Variants in CSMD1 observed in about 807,000 individuals in gnomAD.
CSMD1 encodes CUB and Sushi multiple domains 1, also known as CUB and sushi domain-containing protein 1.
In CSMD1, 213 loss-of-function variants were observed where a neutral mutation model predicts 417.5. The ratio of observed to expected loss-of-function variants is 0.51; its 90% CI spans 0.46 to 0.57. The LOEUF (loss-of-function observed/expected upper bound fraction) is 0.57, where lower values mean the gene tolerates loss of function less well. CSMD1 is among the 20% of genes least tolerant of loss of function. CSMD1 has a pLI of 0.00. For missense variants in CSMD1, 6,923 were observed against 4,529.7 expected, an observed-to-expected ratio of 1.53 and a Z score of -15.17; for synonymous variants, 2,862 against 1,736.8, an observed-to-expected ratio of 1.65 and a Z score of -16.11.
intron 3 of CSMD1, among the ~76,000 whole-genome samples, chr8:4,321,200 G>C (rs1799254842): frequency 6.6e-6 from 1 of 152,074 alleles, no homozygotes; most frequent in Admixed American, 6.6e-5. Flanking sequence ...TTCAACATGT[G>C]TGTCCAGTGC....
intron 1 of CSMD1, among the ~76,000 whole-genome samples, chr8:4,913,865 T>C (rs1194453948): frequency 6.6e-6 from 1 of 152,208 alleles, no homozygotes; most frequent in Non-Finnish European, 1.5e-5. Flanking sequence ...TTAAGGGATA[T>C]TATTGTTTGG....
intron 2 of CSMD1, among the ~76,000 whole-genome samples, chr8:4,435,945 T>G (rs1257152180): frequency 6.6e-6 from 1 of 152,136 alleles, no homozygotes; most frequent in Non-Finnish European, 1.5e-5. Context: ...AAATCTACAT[T>G]CTTAGCCTTT....
At chr8:3,679,614 C>G (rs1253911721) in intron 7 of CSMD1, among the ~76,000 whole-genome samples, 6 of 152,010 alleles carry the variant, frequency 3.9e-5, no homozygotes, top group Non-Finnish European at 8.8e-5. Context: ...CTGTCAACAT[C>G]AGACAGATCA....
intron 27 of CSMD1, among the ~76,000 whole-genome samples, chr8:3,228,390 A>T (rs1798638848): frequency 6.6e-6 from 1 of 152,220 alleles, no homozygotes; most frequent in South Asian, 2.1e-4. Flanking sequence ...ATAAAAATAT[A>T]ATGTTAACTT....
At chr8:4,113,004 G>A (rs757935727) in intron 3 of CSMD1, among the ~76,000 whole-genome samples, 1 of 152,180 alleles carries the variant, frequency 6.6e-6, no homozygotes, top group South Asian at 2.1e-4. Context: ...TATCTGTTAT[G>A]GTAATCAGTG....
At chr8:2,976,585 G>A (rs1297331668) in intron 55 of CSMD1, among the ~76,000 whole-genome samples, 1 of 152,172 alleles carries the variant, frequency 6.6e-6, no homozygotes, top group Non-Finnish European at 1.5e-5. Flanking sequence ...CTGGCCTCAA[G>A]AGATCCACCT....
intron 27 of CSMD1, among the ~76,000 whole-genome samples, chr8:3,225,391 C>T (rs1218258632): frequency 6.9e-6 from 1 of 145,670 alleles, no homozygotes. Context: ...CCCAGTATGA[C>T]TTTTTTTTTT....
At chr8:4,734,385 T>C (rs1172045848) in intron 1 of CSMD1, among the ~76,000 whole-genome samples, 1 of 152,134 alleles carries the variant, frequency 6.6e-6, no homozygotes, top group African/African-American at 2.4e-5. Context: ...TCTATGCATG[T>C]TTGTGCAATT....
chr8:4,955,050 G>C (rs1361491348), intron 1 of CSMD1, among the ~76,000 whole-genome samples: 5 of 152,224 alleles, frequency 3.3e-5, no homozygotes, highest in East Asian at 3.9e-4. Context: ...ATCCATTGCT[G>C]TATGTCAGTG....
At chr8:4,635,438 T>A (rs1305292702) in intron 2 of CSMD1, among the ~76,000 whole-genome samples, 2 of 152,138 alleles carry the variant, frequency 1.3e-5, no homozygotes, top group East Asian at 3.8e-4. Flanking sequence ...TAATACATTA[T>A]TGAAAGACAT....
chr8:3,522,806 TA>T (rs1797562324), intron 10 of CSMD1, among the ~76,000 whole-genome samples: 1 of 151,744 alleles, frequency 6.6e-6, no homozygotes, highest in African/African-American at 2.4e-5. Flanking sequence ...GGTTACATAT[TA>T]AATTACGTAT....
chr8:4,083,603 TTTAA>T (rs1284382538), intron 3 of CSMD1, among the ~76,000 whole-genome samples: 1 of 152,178 alleles, frequency 6.6e-6, no homozygotes, highest in African/African-American at 2.4e-5. Context: ...GGATTCCCTA[TTTAA>T]TTAATGGTGC....
At chr8:4,157,539 T>C (rs529103758) in intron 3 of CSMD1, among the ~76,000 whole-genome samples, 25 of 152,254 alleles carry the variant, frequency 1.6e-4, no homozygotes, top group Non-Finnish European at 3.1e-4. Flanking sequence ...TAGCTACCTC[T>C]AGTCAATGAC....
intron 33 of CSMD1, among the ~76,000 whole-genome samples, chr8:3,196,354 G>T (rs9785101): frequency 0.66 from 99,676 of 151,892 alleles, 34,057 homozygotes; most frequent in Non-Finnish European, 0.76. Context: ...ATAGCAAGTA[G>T]AAGCAGCTGA....
At chr8:3,528,945 T>A (rs1052779284) in intron 10 of CSMD1, among the ~76,000 whole-genome samples, 1 of 152,238 alleles carries the variant, frequency 6.6e-6, no homozygotes, top group African/African-American at 2.4e-5. Flanking sequence ...CTTAGATAAT[T>A]ACATGCCAGT....
intron 8 of CSMD1, among the ~76,000 whole-genome samples, chr8:3,591,511 G>C (rs1225782728): frequency 1.3e-5 from 2 of 152,122 alleles, no homozygotes; most frequent in Non-Finnish European, 2.9e-5. Context: ...AATTTGAGGT[G>C]ACTCGAAGAT....
chr8:4,068,398 C>T (rs1799370583), intron 3 of CSMD1, among the ~76,000 whole-genome samples: 1 of 152,116 alleles, frequency 6.6e-6, no homozygotes, highest in Non-Finnish European at 1.5e-5. Context: ...TTTTATTTCA[C>T]ACTGGGGAGA....
At chr8:2,985,266 T>A (rs560622414) in intron 54 of CSMD1, among the ~76,000 whole-genome samples, 1 of 152,368 alleles carries the variant, frequency 6.6e-6, no homozygotes, top group East Asian at 1.9e-4. Context: ...TATCACTAGC[T>A]TCTGCCTAGT....
At chr8:4,676,994 A>G (rs1467776881) in intron 1 of CSMD1, among the ~76,000 whole-genome samples, 7 of 146,480 alleles carry the variant, frequency 4.8e-5, no homozygotes, top group Non-Finnish European at 1.1e-4. Context: ...TTTTATATAT[A>G]TATAAAATTT....
Sources: gnomAD v4.1 joint callset for allele counts (sites outside exome capture counted in the v4.1 genomes callset) on GRCh38, gnomAD v4.1.1 for gene constraint, MANE v1.5 for transcripts, NCBI Gene and HGNC (gene_info 2026-07-23, HGNC 2026-07-21) for gene names.